Variants in INTS1 observed in about 807,000 individuals in gnomAD.
The protein encoded by INTS1 is integrator complex subunit 1.
A neutral mutation model predicts 241.6 loss-of-function variants in INTS1; 137 were observed. The observed-to-expected ratio is 0.57, with a 90% confidence interval of 0.49 to 0.65. INTS1 has a LOEUF of 0.65. Ranked by LOEUF, INTS1 falls within the 30% of genes least tolerant of loss-of-function variation. INTS1 has a pLI of 0.00. For missense variants in INTS1, 3,073 were observed against 3,032.2 expected (o/e 1.01, Z -0.32); for synonymous variants, 1,692 against 1,337.8 (o/e 1.26, Z -5.78).
At chr7:1,498,619 C>A (rs1562519913) in intron 9 of INTS1, 66 bp from the exon 10 acceptor site, 5 of 1,583,858 alleles carry the variant, frequency 3.2e-6, no homozygotes, top group South Asian at 1.1e-5. Flanking sequence ...CCTGTGCCCC[C>A]ACTCCGCCCG....
chr7:1,474,412 G>A lies in INTS1; in HGVS notation c.5637-52C>T, dbSNP rs915560258. On this transcript the variant is annotated intron_variant, in intron 40 of 47. Transcript: ENST00000404767. ...GCCCCGGCCGGCGGGCTCACCTGGC[G>A]CACGTCCCCAGGAAGGCCCCACTGC... The A allele has an allele frequency of 7.3e-5, 110 of 1,511,344 alleles. No homozygotes were observed. In the Admixed American group the frequency reaches 1.6e-3, roughly 22 times the overall value. The allele number at this position is 1,511,344 out of a possible 1,614,324, so 93.6% of individuals were successfully genotyped here.
At chr7:1,476,730 C>A (rs1237220557) in intron 36 of INTS1, 64 bp downstream of exon 36, 2 of 1,612,168 alleles carry the variant, frequency 1.2e-6, no homozygotes, top group East Asian at 4.5e-5. Context: ...AGAGCCGGCG[C>A]TGGGAGATTT....
At chr7:1,476,158 C>G in intron 38 of INTS1, 71 bp downstream of exon 38, 1 of 1,526,222 alleles carries the variant, frequency 6.6e-7, no homozygotes, top group Admixed American at 2.0e-5. Flanking sequence ...TGGGAACCCA[C>G]CCAGGGCTGG....
In INTS1 at chr7:1,495,539, G is replaced by A. The variant is rs774102668; in HGVS notation, c.1726C>T (p.Arg576Cys). The change falls in exon 13 of 48, where the codon CGC (arginine) becomes TGC (cysteine). Residue 576 changes from arginine to cysteine, a missense_variant. Physicochemically the swap from Arg to Cys is radical, Grantham distance 180. Coordinates refer to ENST00000404767, the MANE Select transcript of INTS1 (RefSeq NM_001080453.3). ...KGEKRNLEVLRSFQNQIAAIQ... is the reference protein window; with the variant it reads ...KGEKRNLEVLCSFQNQIAAIQ... ...GCGGCAATCTGGTTCTGGAATGAGC[G>A]GAGCACTTCCAGGTCTGAAACAGAC... 1.4e-5 allele frequency: 22 copies of A among 1,610,826 alleles called. No homozygotes were observed. Among genetic ancestry groups the A allele is most frequent in the South Asian group, 5.5e-5 (5 of 90,812 alleles).
chr7:1,487,215 C>A (rs778799426), intron 20 of INTS1, 105 bp downstream of exon 20: 6 of 1,502,188 alleles, frequency 4.0e-6, no homozygotes, highest in Non-Finnish European at 5.4e-6. Flanking sequence ...AGCTCATGGG[C>A]CCCGCATCCA....
chr7:1,471,187 C>T lies in INTS1; in HGVS notation c.6293G>A (p.Cys2098Tyr). The change falls in exon 46 of 48, where the codon TGT (cysteine) becomes TAT (tyrosine). Residue 2098 changes from cysteine to tyrosine, a missense_variant. Cys to Tyr is a radical substitution (Grantham distance 194). Transcript: ENST00000404767. ...LQRLMSSAEE[C>Y]CRNLAFSLAL... is the part of the protein sequence containing the mutation. ...CAGGCTGAAGGCGAGGTTGCGGCAA[C>T]ACTCCTCGGCCGAGCTCATCAGCCG... is the stretch of plus-strand genomic sequence containing the variant. 6.3e-7 allele frequency: 1 copy of T among 1,583,490 alleles called. No homozygotes were observed. The highest frequency in any genetic ancestry group is 1.2e-5 in the South Asian group (1 of 86,422).
In INTS1 at chr7:1,470,501, G is replaced by A. The variant is rs957093396; in HGVS notation, c.*76C>T. ...CCTCGGACAGACCAGCAACGCCCAC[G>A]CTTCCTGGGCTTTGCCTCGAGGATC... On this transcript the variant is annotated 3_prime_UTR_variant, in exon 48 of 48. Coordinates refer to ENST00000404767, the MANE Select transcript of INTS1 (RefSeq NM_001080453.3). 7 of 1,180,728 alleles carry A rather than the reference G, an allele frequency of 5.9e-6. No homozygotes were observed. The highest frequency in any genetic ancestry group is 2.1e-4 in the Middle Eastern group (1 of 4,730). 73.1% of individuals were successfully genotyped at this position (1,180,728 alleles called of 1,614,324 possible).
At chr7:1,491,468 G>A (rs938591971) in intron 16 of INTS1, among the ~76,000 whole-genome samples, 2 of 152,220 alleles carry the variant, frequency 1.3e-5, no homozygotes, top group Admixed American at 1.3e-4. Context: ...GAAAGTAAGA[G>A]CTGGGACTAT....
intron 16 of INTS1, among the ~76,000 whole-genome samples, chr7:1,490,778 G>C (rs892548741): frequency 1.3e-5 from 2 of 152,224 alleles, no homozygotes; most frequent in African/African-American, 4.8e-5. Context: ...ACAATCCTGG[G>C]AAAGAACAAA....
Position 1,487,091 on chromosome 7 carries a change from T to C in INTS1, c.2657A>G (p.Gln886Arg). ...LHIIQRQASS[Q>R]SMPWLADLVQ... ...CAGGTCCGCCAGCCAGGGCATGGACTGCGAGGAGGCCTGGGCAGGCGACAG... is the reference window on the plus strand; with the variant it reads ...CAGGTCCGCCAGCCAGGGCATGGACCGCGAGGAGGCCTGGGCAGGCGACAG... The change falls in exon 21 of 48, where the codon CAG becomes CGG. Residue 886 changes from glutamine to arginine, a missense_variant. Coordinates refer to ENST00000404767, the MANE Select transcript of INTS1 (RefSeq NM_001080453.3). 2 of 1,548,614 alleles carry C rather than the reference T, an allele frequency of 1.3e-6. No individual in the cohort carries two copies. The highest frequency in any genetic ancestry group is 1.7e-6 in the Non-Finnish European group (2 of 1,150,908).
chr7:1,502,281 G>A (rs375474986), intron 3 of INTS1, among the ~76,000 whole-genome samples: 3 of 152,142 alleles, frequency 2.0e-5, no homozygotes, highest in African/African-American at 4.8e-5. Context: ...CTGCCAGAGC[G>A]ACTCCCAGGG....
rs1782000381 is a variant in INTS1, at chr7:1,481,582, CCCCA to C, written c.3704-98_3704-95del. 1 of 1,357,994 alleles carries C rather than the reference CCCCA, an allele frequency of 7.4e-7. No individual in the cohort carries two copies. The highest frequency in any genetic ancestry group is 1.5e-5 in the African/African-American group (1 of 68,178). 84.1% of individuals were successfully genotyped at this position (1,357,994 alleles called of 1,614,324 possible). A position where few individuals can be genotyped will look rare whatever the true frequency, so the allele number is the denominator to read the frequency against. On this transcript the variant is annotated intron_variant, in intron 27 of 47. Coordinates refer to ENST00000404767, the MANE Select transcript of INTS1 (RefSeq NM_001080453.3). This position sits in a 1 kb window ranked among gnomAD's most constrained non-coding sequence, Gnocchi z 6.8. ...ACCTGGGGCTGCCTGTGTGCAGTGA[CCCCA>C]CCCACCTGAGACCCTGGGCCACGTG...
chr7:1,492,511 A>G (rs1170462424), intron 16 of INTS1, among the ~76,000 whole-genome samples: 1 of 152,256 alleles, frequency 6.6e-6, no homozygotes, highest in Non-Finnish European at 1.5e-5. Flanking sequence ...CAATTAAATT[A>G]TAATGAAAGT....
chr7:1,493,172 G>T lies in INTS1; in HGVS notation c.2069-66C>A. Reference sequence around the variant, plus strand: ...AGACCATCAGGCACAGGCAGCGAGGGAACCGGCCCTGCTCGGGCCGCGTCG... The same window carrying T: ...AGACCATCAGGCACAGGCAGCGAGGTAACCGGCCCTGCTCGGGCCGCGTCG... On this transcript the variant is annotated intron_variant, in intron 15 of 47. Coordinates refer to ENST00000404767, the MANE Select transcript of INTS1 (RefSeq NM_001080453.3). The surrounding 1 kb of genome is among the most constrained non-coding windows in gnomAD (Gnocchi z 5.3). 1 of 1,175,808 alleles carries T rather than the reference G, an allele frequency of 8.5e-7. No homozygotes were observed. The highest frequency in any genetic ancestry group is 1.2e-6 in the Non-Finnish European group (1 of 827,738). The allele number at this position is 1,175,808 out of a possible 1,614,324, so 72.8% of individuals were successfully genotyped here.
At chr7:1,476,151 G>A (rs2128533549) in intron 38 of INTS1, 78 bp downstream of exon 38, 1 of 1,524,830 alleles carries the variant, frequency 6.6e-7, no homozygotes, top group Non-Finnish European at 8.8e-7. Flanking sequence ...GGCGTGATGG[G>A]AACCCACCCA....
intron 31 of INTS1, 34 bp from the exon 32 acceptor site, chr7:1,478,919 C>A: frequency 6.3e-7 from 1 of 1,575,902 alleles, no homozygotes; most frequent in Non-Finnish European, 8.7e-7. Flanking sequence ...GCTACCCTGG[C>A]AGAGGACACA....
chr7:1,478,280 G>A (rs1423890386), intron 33 of INTS1, 86 bp downstream of exon 33: 59 of 1,445,374 alleles, frequency 4.1e-5, no homozygotes, highest in Non-Finnish European at 5.1e-5. Context: ...GACACTGTCC[G>A]TCCCCCACTG....
chr7:1,482,772 G>A (rs530816007), intron 26 of INTS1, 65 bp from the exon 27 acceptor site: 10 of 1,572,254 alleles, frequency 6.4e-6, no homozygotes, highest in African/African-American at 1.4e-5. Context: ...AGCACCGCTG[G>A]TGCCAAGGCT....
intron 41 of INTS1, among the ~76,000 whole-genome samples, chr7:1,473,936 A>G (rs1404608442): frequency 4.6e-5 from 7 of 152,240 alleles, no homozygotes; most frequent in Admixed American, 3.9e-4. Context: ...CGACACGCAG[A>G]GAACAGCACG....
Sources: allele counts gnomAD v4.1 joint callset (sites outside exome capture counted in the v4.1 genomes callset), GRCh38; gene constraint gnomAD v4.1.1; non-coding constraint Gnocchi (gnomAD v3.1); transcripts MANE v1.5; gene names NCBI Gene and HGNC (gene_info 2026-07-23, HGNC 2026-07-21).